The following NFIB variants were observed in gnomAD, a reference collection of about 807,000 sequenced individuals.
NFIB encodes nuclear factor 1 B-type.
In NFIB, 11 loss-of-function variants were observed where a neutral mutation model predicts 61.5. The ratio of observed to expected loss-of-function variants is 0.18; its 90% CI spans 0.11 to 0.30. The LOEUF is 0.30. Among genes scored for constraint, NFIB ranks in the 10% least tolerant of loss-of-function variants. NFIB has a pLI of 1.00. For synonymous variants in NFIB, 260 were observed against 216.5 expected (o/e 1.20, Z -1.76); for missense variants, 471 against 608.9 (o/e 0.77, Z 2.38).
chr9:14,304,697 A>G (rs2059928147), intron 2 of NFIB, among the ~76,000 whole-genome samples: 2 of 152,194 alleles, frequency 1.3e-5, no homozygotes, highest in South Asian at 4.1e-4. Context: ...TTCCTGATTT[A>G]TAAAACAGAC....
At chr9:14,200,324 G>C (rs2048897536) in intron 2 of NFIB, among the ~76,000 whole-genome samples, 1 of 152,134 alleles carries the variant, frequency 6.6e-6, no homozygotes, top group Non-Finnish European at 1.5e-5. Context: ...GTTTCTTAAA[G>C]TCTACAGAAT....
At chr9:14,356,921 A>C (rs2061182947) in intron 1 of NFIB, among the ~76,000 whole-genome samples, 1 of 152,198 alleles carries the variant, frequency 6.6e-6, no homozygotes, top group East Asian at 1.9e-4. Context: ...GATTTATAGA[A>C]GCTCACTGAA....
Position 14,338,821 on chromosome 9 carries a change from C to G in NFIB, c.109-31301G>C, listed in dbSNP as rs573043994. ...TTCATCCATCCATCTATCTATCCAT[C>G]TCCCTCTCCTCCTTTCTCCTGCCCC... On this transcript the variant is annotated intron_variant, in intron 1 of 8. Coordinates refer to the NFIB transcript ENST00000380934. Among the ~76,000 whole-genome samples the G allele has an allele frequency of 1.3e-4, 20 of 152,112 alleles. 1 individual carries two copies. In the Middle Eastern group the frequency reaches 0.031, roughly 233 times the overall value.
At chr9:14,197,981 CA>C (rs1356348567) in intron 2 of NFIB, among the ~76,000 whole-genome samples, 1 of 151,970 alleles carries the variant, frequency 6.6e-6, no homozygotes, top group Non-Finnish European at 1.5e-5. Flanking sequence ...CATGAAAAGC[CA>C]AAAGGGAATG....
chr9:14,204,393 G>A (rs2049394631), intron 2 of NFIB: 1 of 1,103,882 alleles, frequency 9.1e-7, no homozygotes, highest in Non-Finnish European at 1.4e-6. Context: ...CAGCCCAAAA[G>A]AGACCTCGCC....
Position 14,254,302 on chromosome 9 carries a change from A to AC in NFIB, c.562+52686_562+52687insG, listed in dbSNP as rs1302382396. Among the ~76,000 whole-genome samples the AC allele has an allele frequency of 9.5e-4, 141 of 148,856 alleles. 1 individual carries two copies. Among genetic ancestry groups the AC allele is most frequent in the South Asian group, 6.5e-3 (31 of 4,764 alleles). On this transcript the variant is annotated intron_variant, in intron 2 of 10. Coordinates refer to ENST00000380953, the MANE Select transcript of NFIB (RefSeq NM_001190737.2). ...GGCAACAGAGTGACACTGTCTCAAA[A>AC]AAAACAAAACAAAACAAAACAAAAC...
At chr9:14,262,793 TG>T (rs1318025892) in intron 2 of NFIB, among the ~76,000 whole-genome samples, 1 of 152,198 alleles carries the variant, frequency 6.6e-6, no homozygotes, top group East Asian at 1.9e-4. Context: ...TTTGTTTGTT[TG>T]TTTTTTGTTG....
intron 2 of NFIB, chr9:14,204,482 G>A (rs2049406942): frequency 8.7e-6 from 9 of 1,039,960 alleles, no homozygotes; most frequent in Admixed American, 5.1e-5. Flanking sequence ...AATGCCTCCT[G>A]CGATTAACCA....
At chr9:14,097,868 C>CTTTTTTTT (rs2035082122) in intron 10 of NFIB, among the ~76,000 whole-genome samples, 1 of 120,998 alleles carries the variant, frequency 8.3e-6, no homozygotes, top group African/African-American at 3.1e-5. Flanking sequence ...TTCTTTCTTT[C>CTTTTTTTT]TTTTTTCTTT....
intron 5 of NFIB, among the ~76,000 whole-genome samples, chr9:14,149,504 CAATGAGAA>C (rs1336983426): frequency 1.3e-5 from 2 of 150,896 alleles, no homozygotes; most frequent in African/African-American, 4.9e-5. Context: ...CTGGCAATTA[CAATGAGAA>C]GATCAGGAAA....
intron 10 of NFIB, among the ~76,000 whole-genome samples, chr9:14,091,786 T>C (rs960034206): frequency 6.6e-6 from 1 of 151,798 alleles, no homozygotes; most frequent in African/African-American, 2.4e-5. Flanking sequence ...AGAAAAGATA[T>C]AATTACTTTG....
the NFIB span, among the ~76,000 whole-genome samples, chr9:14,466,022 G>C: frequency 6.6e-6 from 1 of 152,180 alleles, no homozygotes; most frequent in Non-Finnish European, 1.5e-5. Context: ...GACTGAGAGA[G>C]AGTCGAGTCA....
chr9:14,154,995 G>C (rs1455128839), intron 4 of NFIB, among the ~76,000 whole-genome samples: 2 of 152,120 alleles, frequency 1.3e-5, no homozygotes, highest in Non-Finnish European at 2.9e-5. Flanking sequence ...ATCAGAGTGT[G>C]ACTACATCAT....
At chr9:14,353,780 G>A (rs2061142666) in intron 1 of NFIB, among the ~76,000 whole-genome samples, 1 of 151,054 alleles carries the variant, frequency 6.6e-6, no homozygotes, top group East Asian at 2.0e-4. Flanking sequence ...GGGAGTTGAA[G>A]TTGAAATAGC....
At chr9:14,360,671 A>G (rs1428434382) in intron 1 of NFIB, among the ~76,000 whole-genome samples, 1 of 151,194 alleles carries the variant, frequency 6.6e-6, no homozygotes, top group Non-Finnish European at 1.5e-5. Context: ...CAGCCTTCTG[A>G]GCAGCTGGGA....
intron 2 of NFIB, among the ~76,000 whole-genome samples, chr9:14,196,699 A>C (rs931900751): frequency 1.3e-3 from 200 of 152,204 alleles, no homozygotes; most frequent in African/African-American, 3.9e-3. Flanking sequence ...AAAAAAAAAA[A>C]AAAAAACAGA....
intron 2 of NFIB, among the ~76,000 whole-genome samples, chr9:14,210,005 T>C (rs2050150724): frequency 6.6e-6 from 1 of 152,232 alleles, no homozygotes. Flanking sequence ...CTTTCTACGT[T>C]TTTGTTTTAC....
intron 2 of NFIB, among the ~76,000 whole-genome samples, chr9:14,232,449 G>A (rs535215703): frequency 2.0e-5 from 3 of 152,224 alleles, no homozygotes; most frequent in African/African-American, 7.2e-5. Context: ...TTGCCACCAG[G>A]AAAGAAGATA....
the NFIB span, among the ~76,000 whole-genome samples, chr9:14,513,663 GA>G: frequency 6.9e-6 from 1 of 145,206 alleles, no homozygotes; most frequent in East Asian, 2.0e-4. Context: ...AAAAGAAAAA[GA>G]AAAAAAAAGA....
Sources: gnomAD v4.1 joint callset for allele counts (sites outside exome capture counted in the v4.1 genomes callset) on GRCh38, gnomAD v4.1.1 for gene constraint, MANE v1.5 for transcripts, NCBI Gene and HGNC (gene_info 2026-07-23, HGNC 2026-07-21) for gene names.